The following FBXO25 variants were observed in gnomAD, a reference collection of about 807,000 sequenced individuals.
FBXO25 encodes the protein F-box protein 25.
FBXO25 carries 45 observed loss-of-function variants against 51.9 expected under a neutral mutation model. That is an observed-to-expected ratio of 0.87 (90% CI 0.68 to 1.11). The LOEUF is 1.11. Among genes scored for constraint, FBXO25 ranks in the 50% most tolerant of loss-of-function variants. The pLI is 0.00. For missense variants in FBXO25, 507 were observed against 428.5 expected, an observed-to-expected ratio of 1.18 and a Z score of -1.62; for synonymous variants, 199 against 151.0, an observed-to-expected ratio of 1.32 and a Z score of -2.33.
At position 474,897 on chromosome 8, in the gene FBXO25, T is replaced by C; in HGVS notation, c.*6093T>C. 2 of 454,756 alleles carry C rather than the reference T, an allele frequency of 4.4e-6. No homozygotes were observed. Among genetic ancestry groups the C allele is most frequent in the South Asian group, 3.1e-5 (2 of 64,404 alleles). The allele number at this position is 454,756 out of a possible 1,614,324, so 28.2% of individuals were successfully genotyped here. ...TATCTAAGAAATCACTGCCTCACCC[T>C]TTTCAGATATATCATTTTAAAATAC... On this transcript the variant is annotated 3_prime_UTR_variant, in exon 10 of 10. Coordinates refer to ENST00000350302, the MANE Select transcript of FBXO25 (RefSeq NM_183420.2).
chr8:426,069 G>T (rs1490388189), intron 2 of FBXO25, among the ~76,000 whole-genome samples: 1 of 152,078 alleles, frequency 6.6e-6, no homozygotes, highest in Admixed American at 6.5e-5. Context: ...TTCTTTGTCT[G>T]CATTGTGCAC....
At chr8:413,563 A>T (rs141521723) in intron 2 of FBXO25, among the ~76,000 whole-genome samples, 6 of 152,306 alleles carry the variant, frequency 3.9e-5, no homozygotes, top group African/African-American at 1.4e-4. Flanking sequence ...ACACAAGACA[A>T]ATCAGTTTTT....
chr8:468,825 A>C lies in FBXO25; in HGVS notation c.*21A>C. On this transcript the variant is annotated 3_prime_UTR_variant, in exon 10 of 10. Coordinates refer to ENST00000350302, the MANE Select transcript of FBXO25 (RefSeq NM_183420.2). ...TTTAAGGGCTGCCCCTGCCATCCCT[A>C]TTGGAGATTGTGAATCCTGCTGTCT... The C allele has an allele frequency of 6.2e-7, 1 of 1,610,032 alleles. No individual in the cohort carries two copies. The highest frequency in any genetic ancestry group is 1.3e-5 in the African/African-American group (1 of 74,908).
At chr8:468,110 C>A (rs1345150137) in intron 9 of FBXO25, 3 of 1,062,628 alleles carry the variant, frequency 2.8e-6, no homozygotes, top group Non-Finnish European at 3.4e-6. Context: ...TAAGAGTCTG[C>A]CAGTCTTCAT....
intron 2 of FBXO25, among the ~76,000 whole-genome samples, chr8:425,854 C>G (rs557294771): frequency 1.3e-5 from 2 of 149,226 alleles, no homozygotes; most frequent in South Asian, 4.2e-4. Flanking sequence ...ATTTTATTTG[C>G]TTTTATCCTT....
intron 2 of FBXO25, among the ~76,000 whole-genome samples, chr8:414,484 G>T (rs1347105157): frequency 6.6e-6 from 1 of 152,156 alleles, no homozygotes; most frequent in Non-Finnish European, 1.5e-5. Context: ...AAGCTGTAAT[G>T]CTTGAAGTGC....
At chr8:410,999 G>C (rs2057736927) in intron 1 of FBXO25, among the ~76,000 whole-genome samples, 1 of 152,006 alleles carries the variant, frequency 6.6e-6, no homozygotes, top group Admixed American at 6.6e-5. Flanking sequence ...GATTGTATAA[G>C]TGCCCATTTA....
Position 432,868 on chromosome 8 carries a change from A to C in FBXO25, c.239-18A>C. 6.5e-7 allele frequency: 1 copy of C among 1,534,666 alleles called. No homozygotes were observed. Among genetic ancestry groups the C allele is most frequent in the Non-Finnish European group, 8.7e-7 (1 of 1,146,188 alleles). ...ATGATTTGCCAGATTTTAAAAACAAAGGTAATTTTTATTCTAGGTTTTTAT... is the reference window on the plus strand; with the variant it reads ...ATGATTTGCCAGATTTTAAAAACAACGGTAATTTTTATTCTAGGTTTTTAT... On this transcript the variant is annotated intron_variant, in intron 3 of 9. Transcript: ENST00000350302.
intron 5 of FBXO25, among the ~76,000 whole-genome samples, chr8:444,652 G>A (rs1798625955): frequency 1.3e-5 from 2 of 152,068 alleles, no homozygotes; most frequent in African/African-American, 2.4e-5. Context: ...TGTCAGATTT[G>A]AGGAGATACG....
rs1563107623 is a variant in FBXO25, at chr8:476,034, T to G, written c.*7230T>G. 1 of 152,202 alleles carries G rather than the reference T, an allele frequency of 6.6e-6. No individual in the cohort carries two copies. The highest frequency in any genetic ancestry group is 1.5e-5 in the Non-Finnish European group (1 of 68,026). 9.4% of individuals were successfully genotyped at this position (152,202 alleles called of 1,614,324 possible). ...TGGGATGTTCATATGGCCTCTATTT[T>G]AGGTTGTTTCCTTCTATTCCCAATT... On this transcript the variant is annotated 3_prime_UTR_variant, in exon 10 of 10. Transcript: ENST00000350302.
chr8:457,461 T>TG (rs974142548), intron 7 of FBXO25, among the ~76,000 whole-genome samples: 2 of 152,172 alleles, frequency 1.3e-5, no homozygotes, highest in Non-Finnish European at 2.9e-5. Flanking sequence ...TGAGGGCAGA[T>TG]GCATTGCATT....
intron 4 of FBXO25, among the ~76,000 whole-genome samples, chr8:433,384 C>G (rs1454234935): frequency 2.0e-5 from 3 of 152,154 alleles, no homozygotes; most frequent in Non-Finnish European, 4.4e-5. Flanking sequence ...TACGCATTTT[C>G]TCTGTGTTAG....
intron 9 of FBXO25, among the ~76,000 whole-genome samples, chr8:466,582 G>A (rs1800173992): frequency 6.6e-6 from 1 of 152,174 alleles, no homozygotes; most frequent in South Asian, 2.1e-4. Context: ...TTCTGGCCCT[G>A]GGACTTGGTC....
At position 455,198 on chromosome 8, in the gene FBXO25, G is replaced by A. The variant is rs575051671; in HGVS notation, c.661-3171G>A. 9.2e-5 allele frequency among the ~76,000 whole-genome samples: 14 copies of A among 152,350 alleles called. No homozygotes were observed. In the South Asian group the frequency reaches 2.7e-3, roughly 29 times the overall value. ...GTGCAGGGGATTAGGACCAGACTCA[G>A]GGCTTTGTGGGCATTGCAGAGCCTT... On this transcript the variant is annotated intron_variant, in intron 7 of 9. Transcript: ENST00000350302.
intron 5 of FBXO25, among the ~76,000 whole-genome samples, chr8:440,592 AT>A (rs1798367377): frequency 6.6e-6 from 1 of 151,608 alleles, no homozygotes; most frequent in African/African-American, 2.4e-5. Flanking sequence ...TTTTTTTTAA[AT>A]TTTTTAAATT....
intron 1 of FBXO25, among the ~76,000 whole-genome samples, chr8:407,890 A>G (rs1796260774): frequency 2.0e-5 from 3 of 152,048 alleles, no homozygotes; most frequent in Admixed American, 2.0e-4. Context: ...ATTAGATTCC[A>G]CCTCTGTCCT....
intron 9 of FBXO25, among the ~76,000 whole-genome samples, chr8:466,586 C>G (rs1225446695): frequency 6.6e-6 from 1 of 152,180 alleles, no homozygotes; most frequent in Non-Finnish European, 1.5e-5. Flanking sequence ...GGCCCTGGGA[C>G]TTGGTCATGA....
intron 1 of FBXO25, among the ~76,000 whole-genome samples, chr8:409,042 C>G (rs1796334979): frequency 6.6e-6 from 1 of 152,110 alleles, no homozygotes; most frequent in South Asian, 2.1e-4. Flanking sequence ...CCATTGAAAG[C>G]CGTGGGTCAT....
chr8:411,848 G>A (rs1796499650), intron 1 of FBXO25, among the ~76,000 whole-genome samples: 1 of 152,128 alleles, frequency 6.6e-6, no homozygotes, highest in South Asian at 2.1e-4. Context: ...ATCTGAGGTG[G>A]TTTTTAGCCT....
Sources: allele counts gnomAD v4.1 joint callset (sites outside exome capture counted in the v4.1 genomes callset), GRCh38; gene constraint gnomAD v4.1.1; transcripts MANE v1.5; gene names NCBI Gene and HGNC (gene_info 2026-07-23, HGNC 2026-07-21).